RIN3: variants seen among roughly 807,000 people sequenced by gnomAD.
RIN3 encodes Ras and Rab interactor 3.
A neutral mutation model predicts 76.3 loss-of-function variants in RIN3; 54 were observed. The observed-to-expected ratio is 0.71, with a 90% CI of 0.57 to 0.89. The LOEUF is 0.89. Among genes scored for constraint, RIN3 ranks in the 40% least tolerant of loss-of-function variants. The pLI, the probability that RIN3 is intolerant of heterozygous loss-of-function variation, is 0.00. For missense variants in RIN3, 1,256 were observed against 1,322.1 expected, an observed-to-expected ratio of 0.95 and a Z score of 0.78; for synonymous variants, 576 against 564.0, an observed-to-expected ratio of 1.02 and a Z score of -0.30.
intron 1 of RIN3, among the ~76,000 whole-genome samples, chr14:92,520,688 G>A (rs940339349): frequency 6.6e-6 from 1 of 152,162 alleles, no homozygotes; most frequent in South Asian, 2.1e-4. Context: ...AAATTGTTCT[G>A]TGAGTCAGTA....
Position 92,652,256 on chromosome 14 carries a change from G to A in RIN3, c.1207G>A (p.Gly403Arg). ...ERVSLEDQSPGMAAEGDQLSL... is the reference protein window; with the variant it reads ...ERVSLEDQSPRMAAEGDQLSL... The stretch of plus-strand genomic sequence containing the variant: ...GGTGTCCTTAGAAGACCAAAGTCCG[G>A]GGATGGCGGCAGAGGGGGACCAGCT... Residue 403 changes from glycine (G) to arginine (R), a missense_variant, in exon 6 of 10, where the codon GGG (glycine) becomes AGG (arginine). Around this residue, in one of 3 missense-constraint regions of RIN3, gnomAD observed 610 missense variants for 626.4 expected, o/e 0.97. Coordinates refer to ENST00000216487, the MANE Select transcript of RIN3 (RefSeq NM_024832.5). The surrounding 1 kb of genome is among the most constrained non-coding windows in gnomAD (Gnocchi z 6.4). The A allele has an allele frequency of 6.2e-7, 1 of 1,611,112 alleles. No homozygotes were observed. The highest frequency in any genetic ancestry group is 1.1e-5 in the South Asian group (1 of 90,890).
chr14:92,620,391 A>G (rs1404575695), intron 4 of RIN3, among the ~76,000 whole-genome samples: 1 of 152,246 alleles, frequency 6.6e-6, no homozygotes, highest in Non-Finnish European at 1.5e-5. Context: ...TCTATTTACA[A>G]GAGTATACGC....
intron 2 of RIN3, among the ~76,000 whole-genome samples, chr14:92,561,410 C>T (rs1352546567): frequency 6.6e-6 from 1 of 151,634 alleles, no homozygotes; most frequent in Admixed American, 6.6e-5. Flanking sequence ...GTTTTGGGAA[C>T]ATATTGGCCC....
chr14:92,580,586 G>A (rs1898404066), intron 3 of RIN3, among the ~76,000 whole-genome samples: 1 of 152,282 alleles, frequency 6.6e-6, no homozygotes. Flanking sequence ...GCAAGAACCA[G>A]CATGATGGCT....
chr14:92,603,462 C>G (rs188225365), intron 3 of RIN3, among the ~76,000 whole-genome samples: 3 of 152,116 alleles, frequency 2.0e-5, no homozygotes, highest in Non-Finnish European at 4.4e-5. Flanking sequence ...TTTTGTGCAA[C>G]GACCCAGAGG....
intron 3 of RIN3, among the ~76,000 whole-genome samples, chr14:92,603,704 C>G (rs572150872): frequency 2.0e-5 from 3 of 152,282 alleles, no homozygotes; most frequent in Non-Finnish European, 4.4e-5. Context: ...ATGGGGTTGT[C>G]TGCTCTTCTC....
intron 7 of RIN3, among the ~76,000 whole-genome samples, chr14:92,666,439 A>G (rs1888108470): frequency 1.3e-5 from 2 of 152,196 alleles, no homozygotes; most frequent in Non-Finnish European, 2.9e-5. Flanking sequence ...CGGCCTGGGA[A>G]TGGACCCCAA....
chr14:92,665,832 G>T (rs1003333655), intron 7 of RIN3, among the ~76,000 whole-genome samples: 1 of 150,872 alleles, frequency 6.6e-6, no homozygotes, highest in Non-Finnish European at 1.5e-5. Flanking sequence ...GATCCCAACT[G>T]ACTTCAATTC....
chr14:92,572,508 G>C (rs897192571), intron 2 of RIN3, among the ~76,000 whole-genome samples: 3 of 152,152 alleles, frequency 2.0e-5, no homozygotes, highest in African/African-American at 7.2e-5. Flanking sequence ...TTATTAGAGA[G>C]ACAGTTAATA....
chr14:92,561,165 A>T (rs866798749), intron 2 of RIN3, among the ~76,000 whole-genome samples: 5 of 60,612 alleles, frequency 8.2e-5, no homozygotes, highest in South Asian at 6.9e-4. Flanking sequence ...ATATTTATAT[A>T]TATATATACC....
At chr14:92,660,212 T>C (rs7155457) in intron 7 of RIN3, among the ~76,000 whole-genome samples, 24,405 of 152,272 alleles carry the variant, frequency 0.16, 2,261 homozygotes, top group East Asian at 0.28. Context: ...TGGACAAGTA[T>C]CTGATCTGGA....
At chr14:92,546,600 G>A (rs771348772) in intron 1 of RIN3, among the ~76,000 whole-genome samples, 3 of 152,146 alleles carry the variant, frequency 2.0e-5, no homozygotes, top group Non-Finnish European at 4.4e-5. Context: ...ACATGTAAAC[G>A]CGGGTGTTCA....
chr14:92,685,116 T>C lies in RIN3; in HGVS notation c.2597T>C (p.Leu866Pro). 1 of 1,613,366 alleles carries C rather than the reference T, an allele frequency of 6.2e-7. No homozygotes were observed. Among genetic ancestry groups the C allele is most frequent in the East Asian group, 2.2e-5 (1 of 44,860 alleles). ...SIHRWERRRT[L>P]NKARASRSSV... is the part of the protein sequence containing the mutation. The stretch of plus-strand genomic sequence containing the variant: ...CACCGCTGGGAGCGCCGGCGTACTC[T>C]CAACAAGGCCCGGGCCTCCCGCTCC... Residue 866 changes from leucine (L) to proline (P), a missense_variant, in exon 9 of 10, where the codon CTC becomes CCC. Leu to Pro is a moderately conservative substitution (Grantham distance 98). This residue lies in a region of RIN3 where 218 missense variants were observed against 174.5 expected (regional missense o/e 1.25). Transcript: ENST00000216487. The surrounding 1 kb of genome is among the most constrained non-coding windows in gnomAD (Gnocchi z 4.7).
At chr14:92,677,622 T>G (rs1379539061) in intron 8 of RIN3, among the ~76,000 whole-genome samples, 1 of 152,142 alleles carries the variant, frequency 6.6e-6, no homozygotes, top group Non-Finnish European at 1.5e-5. Flanking sequence ...TACCTTTTTT[T>G]TTTCTCTGTA....
chr14:92,605,351 AACG>A (rs752903872), intron 3 of RIN3, among the ~76,000 whole-genome samples: 52 of 152,252 alleles, frequency 3.4e-4, no homozygotes, highest in Admixed American at 7.9e-4. Flanking sequence ...TTTTATTAAC[AACG>A]ACTATTGTCG....
intron 3 of RIN3, among the ~76,000 whole-genome samples, chr14:92,585,368 C>T (rs948852007): frequency 2.0e-5 from 3 of 152,142 alleles, no homozygotes; most frequent in African/African-American, 4.8e-5. Flanking sequence ...CGCTGACACC[C>T]GTGCACATGG....
At chr14:92,587,700 A>G (rs957658764) in intron 3 of RIN3, among the ~76,000 whole-genome samples, 1 of 150,806 alleles carries the variant, frequency 6.6e-6, no homozygotes, top group African/African-American at 2.4e-5. Context: ...CTGCACAGAC[A>G]CCCCTCTTTT....
At position 92,685,106 on chromosome 14, in the gene RIN3, C is replaced by T. The variant is rs778793960; in HGVS notation, c.2587C>T (p.Arg863Trp). 5 of 1,613,442 alleles carry T rather than the reference C, an allele frequency of 3.1e-6. No individual in the cohort carries two copies. Among genetic ancestry groups the T allele is most frequent in the South Asian group, 1.1e-5 (1 of 91,082 alleles). ...VQDSIHRWERRRTLNKARASR... is the reference protein window; with the variant it reads ...VQDSIHRWERWRTLNKARASR... ...GGACTCCATCCACCGCTGGGAGCGC[C>T]GGCGTACTCTCAACAAGGCCCGGGC... is the stretch of plus-strand genomic sequence containing the variant. The change falls in exon 9 of 10, where the codon CGG becomes TGG. Residue 863 changes from arginine (R) to tryptophan (W), a missense_variant. Physicochemically the swap from Arg to Trp is moderately radical, Grantham distance 101 (BLOSUM62 -3). This residue lies in a region of RIN3 where 428 missense variants were observed against 521.2 expected (regional missense o/e 0.82). Coordinates refer to ENST00000216487, the MANE Select transcript of RIN3 (RefSeq NM_024832.5). The surrounding 1 kb of genome is among the most constrained non-coding windows in gnomAD (Gnocchi z 4.7).
At chr14:92,526,841 G>A (rs1234247699) in intron 1 of RIN3, among the ~76,000 whole-genome samples, 1 of 152,180 alleles carries the variant, frequency 6.6e-6, no homozygotes, top group Admixed American at 6.5e-5. Flanking sequence ...CAATATAAAT[G>A]TATTCTCTCA....
Sources: gnomAD v4.1 joint callset for allele counts (sites outside exome capture counted in the v4.1 genomes callset) on GRCh38, gnomAD v4.1.1 for gene constraint, gnomAD v4.1.1 regional missense constraint, Gnocchi (gnomAD v3.1) non-coding constraint, MANE v1.5 for transcripts, NCBI Gene and HGNC (gene_info 2026-07-23, HGNC 2026-07-21) for gene names.